Variants in KIAA0232 observed in about 807,000 individuals in gnomAD.
The protein encoded by KIAA0232 is uncharacterized protein KIAA0232.
KIAA0232 carries 27 observed loss-of-function variants against 122.0 expected under a neutral mutation model. The ratio of observed to expected loss-of-function variants is 0.22; its 90% CI spans 0.16 to 0.31. The LOEUF is 0.31. Among genes scored for constraint, KIAA0232 ranks in the 10% least tolerant of loss-of-function variants. KIAA0232 has a pLI of 1.00. For synonymous variants in KIAA0232, 613 were observed against 587.6 expected (o/e 1.04, Z -0.63); for missense variants, 1,551 against 1,634.2 (o/e 0.95, Z 0.88).
chr4:6,821,974 T>G (rs1186511121), intron 2 of KIAA0232, among the ~76,000 whole-genome samples: 2 of 152,140 alleles, frequency 1.3e-5, no homozygotes, highest in African/African-American at 4.8e-5. Flanking sequence ...ACTTATCTTT[T>G]GTTTGCTATA....
chr4:6,857,092 A>C, intron 4 of KIAA0232, 72 bp from the exon 5 acceptor site: 2 of 1,135,830 alleles, frequency 1.8e-6, no homozygotes, highest in Non-Finnish European at 1.2e-6. Flanking sequence ...TGTGTATTAA[A>C]ACAAAAGTAT....
Position 6,862,575 on chromosome 4 carries a change from T to G in KIAA0232, c.2193T>G (p.Phe731Leu), listed in dbSNP as rs761576076. 2 of 1,613,830 alleles carry G rather than the reference T, an allele frequency of 1.2e-6. No individual in the cohort carries two copies. The highest frequency in any genetic ancestry group is 1.7e-6 in the Non-Finnish European group (2 of 1,179,910). Residue 731 changes from phenylalanine (F) to leucine (L), a missense_variant, in exon 7 of 10, where the codon TTT becomes TTG. Coordinates refer to ENST00000307659, the MANE Select transcript of KIAA0232 (RefSeq NM_014743.3). ...ACAATGAAACATTAAATATTCAGTT[T>G]GAAGAATCCACACAGTTTAATGCCG... ...RSDNETLNIQ[F>L]EESTQFNAED...
intron 4 of KIAA0232, 79 bp from the exon 5 acceptor site, chr4:6,857,085 G>A: frequency 2.1e-6 from 2 of 952,126 alleles, no homozygotes; most frequent in African/African-American, 1.7e-5. Context: ...TAAAACCTGT[G>A]TATTAAAACA....
At position 6,859,369 on chromosome 4, in the gene KIAA0232, A is replaced by G. The variant is rs111899034; in HGVS notation, c.518+863A>G. On this transcript the variant is annotated intron_variant, in intron 6 of 9. Coordinates refer to ENST00000307659, the MANE Select transcript of KIAA0232 (RefSeq NM_014743.3). ...AAAAAATAGCATTTCCTTGGTTTGT[A>G]TAGACCTGTATTATCCAGCACAGAA... Among the ~76,000 whole-genome samples the G allele has an allele frequency of 3.9e-3, 596 of 152,282 alleles. 1 individual carries two copies. The highest frequency in any genetic ancestry group is 0.013 in the African/African-American group (526 of 41,570).
intron 6 of KIAA0232, among the ~76,000 whole-genome samples, chr4:6,860,028 T>C (rs1363201615): frequency 2.0e-5 from 3 of 152,198 alleles, no homozygotes; most frequent in Non-Finnish European, 4.4e-5. Flanking sequence ...TAGTACTCAC[T>C]AAACTTGTGG....
At chr4:6,851,078 T>C (rs1720257383) in intron 4 of KIAA0232, among the ~76,000 whole-genome samples, 1 of 152,234 alleles carries the variant, frequency 6.6e-6, no homozygotes, top group South Asian at 2.1e-4. Flanking sequence ...TTTGTAACTG[T>C]CAGCCTTATA....
intron 6 of KIAA0232, among the ~76,000 whole-genome samples, chr4:6,859,005 G>A (rs1720706269): frequency 2.0e-5 from 3 of 151,362 alleles, no homozygotes; most frequent in African/African-American, 7.3e-5. Context: ...GACCGAGGCA[G>A]GAGAATTTCT....
chr4:6,864,332 AGG>A, intron 7 of KIAA0232, 149 bp downstream of exon 7: 1 of 884,854 alleles, frequency 1.1e-6, no homozygotes, highest in South Asian at 1.8e-5. Context: ...TTTACATGTA[AGG>A]ACTTAAAATG....
chr4:6,789,649 A>G (rs1323565058), intron 1 of KIAA0232, among the ~76,000 whole-genome samples: 1 of 152,180 alleles, frequency 6.6e-6, no homozygotes, highest in Non-Finnish European at 1.5e-5. Context: ...TTGCATAAAC[A>G]GATTCATGAT....
At chr4:6,790,708 A>G (rs542469128) in intron 1 of KIAA0232, among the ~76,000 whole-genome samples, 1 of 152,076 alleles carries the variant, frequency 6.6e-6, no homozygotes, top group African/African-American at 2.4e-5. Context: ...ATGTCTGATT[A>G]GTATGTTGCT....
intron 2 of KIAA0232, among the ~76,000 whole-genome samples, chr4:6,806,148 T>A (rs1044357107): frequency 2.6e-5 from 4 of 152,230 alleles, no homozygotes; most frequent in African/African-American, 4.8e-5. Context: ...GGCATTTTTT[T>A]AAATCTCCAT....
chr4:6,793,280 T>C (rs1186824689), intron 1 of KIAA0232, among the ~76,000 whole-genome samples: 1 of 152,196 alleles, frequency 6.6e-6, no homozygotes, highest in Non-Finnish European at 1.5e-5. Flanking sequence ...AAAAAACAAC[T>C]GTTTATTTGA....
chr4:6,802,178 A>G (rs778435804), intron 1 of KIAA0232, among the ~76,000 whole-genome samples: 7 of 152,228 alleles, frequency 4.6e-5, no homozygotes, highest in South Asian at 2.1e-4. Flanking sequence ...TGCATGCCCA[A>G]TTATAGCATA....
rs1279628239 is a variant in KIAA0232 at position 6,870,557 on chromosome 4, C to T, written c.3802-1017C>T. ...GTGGCTCACGCCTGTAATCCCAGCA[C>T]TTTGGGAGGCCAAGGCGGGCAGATC... On this transcript the variant is annotated intron_variant, in intron 7 of 9. Coordinates refer to ENST00000307659, the MANE Select transcript of KIAA0232 (RefSeq NM_014743.3). 3.3e-5 allele frequency among the ~76,000 whole-genome samples: 5 copies of T among 152,224 alleles called. No homozygotes were observed. The East Asian group carries it at 5.8e-4, about 18-fold the overall frequency.
chr4:6,871,403 C>T (rs772074492), intron 7 of KIAA0232, among the ~76,000 whole-genome samples, 171 bp from the exon 8 acceptor site: 62 of 152,292 alleles, frequency 4.1e-4, no homozygotes, highest in Non-Finnish European at 7.9e-4. Context: ...CACTACACTC[C>T]AGCCTGAGTG....
rs1268986428 is a variant in KIAA0232 at position 6,861,938 on chromosome 4, T to C, written c.1556T>C (p.Leu519Ser). 6.2e-7 allele frequency: 1 copy of C among 1,614,094 alleles called. No homozygotes were observed. Residue 519 changes from leucine (L) to serine (S), a missense_variant, in exon 7 of 10, where the codon TTG becomes TCG. Physicochemically the swap from Leu to Ser is moderately radical, Grantham distance 145. This residue lies in a region of KIAA0232 where 1,108 missense variants were observed against 1,154.8 expected (regional missense o/e 0.96). Transcript: ENST00000307659. Reference sequence around the variant, plus strand: ...GAAGTGGATATTGATCAATCCATGTTGGATCCTGGTGCCTCAGAAACAATG... The same window carrying C: ...GAAGTGGATATTGATCAATCCATGTCGGATCCTGGTGCCTCAGAAACAATG... ...FYEVDIDQSMLDPGASETMQG... is the reference protein window; with the variant it reads ...FYEVDIDQSMSDPGASETMQG...
chr4:6,822,794 A>G (rs1718483619), intron 2 of KIAA0232, among the ~76,000 whole-genome samples: 1 of 150,730 alleles, frequency 6.6e-6, no homozygotes, highest in Admixed American at 6.6e-5. Flanking sequence ...TATTATTATT[A>G]TACTTTAAGT....
At chr4:6,818,140 C>T (rs762535858) in intron 2 of KIAA0232, among the ~76,000 whole-genome samples, 3 of 152,068 alleles carry the variant, frequency 2.0e-5, no homozygotes, top group African/African-American at 4.8e-5. Flanking sequence ...AAGTGGCTCA[C>T]GCCTGTAATT....
chr4:6,800,987 C>CA (rs1375389631), intron 1 of KIAA0232, among the ~76,000 whole-genome samples: 1 of 152,124 alleles, frequency 6.6e-6, no homozygotes, highest in Non-Finnish European at 1.5e-5. Context: ...TAAATATAGA[C>CA]AGAGTTCTTG....
Sources: gnomAD v4.1 joint callset for allele counts (sites outside exome capture counted in the v4.1 genomes callset) on GRCh38, gnomAD v4.1.1 for gene constraint, gnomAD v4.1.1 regional missense constraint, MANE v1.5 for transcripts, NCBI Gene and HGNC (gene_info 2026-07-23, HGNC 2026-07-21) for gene names.